The following KCTD8 variants were observed in gnomAD, a reference collection of about 807,000 sequenced individuals.
The protein encoded by KCTD8 is BTB/POZ domain-containing protein KCTD8.
A neutral mutation model predicts 31.5 loss-of-function variants in KCTD8; 27 were observed. The observed-to-expected ratio is 0.86, with a 90% CI of 0.63 to 1.18. The LOEUF (loss-of-function observed/expected upper bound fraction) is 1.18. KCTD8 is among the 50% of genes most tolerant of loss of function. The pLI is 0.00. For missense variants in KCTD8, 658 were observed against 647.7 expected, an observed-to-expected ratio of 1.02 and a Z score of -0.17; for synonymous variants, 290 against 280.0, an observed-to-expected ratio of 1.04 and a Z score of -0.36.
At chr4:44,298,834 T>TA (rs1456114390) in intron 1 of KCTD8, among the ~76,000 whole-genome samples, 16 of 152,096 alleles carry the variant, frequency 1.1e-4, no homozygotes. Context: ...AAGTTAGATA[T>TA]AAAATATTGA....
chr4:44,414,952 G>A (rs967330091), intron 1 of KCTD8, among the ~76,000 whole-genome samples: 66 of 152,272 alleles, frequency 4.3e-4, no homozygotes, highest in African/African-American at 1.6e-3. Flanking sequence ...CTCAGAAGGA[G>A]ACAGGAAGCC....
chr4:44,195,166 C>T lies in KCTD8; in HGVS notation c.962-19916G>A, dbSNP rs979563471. Among the ~76,000 whole-genome samples the T allele has an allele frequency of 4.6e-5, 7 of 151,008 alleles. No homozygotes were observed. The South Asian group carries it at 8.5e-4, about 18-fold the overall frequency. ...GTGCTGGGATTACAGGTATGAGCCACTGTGCCTACCTAAATACATACTTTT... is the reference window on the plus strand; with the variant it reads ...GTGCTGGGATTACAGGTATGAGCCATTGTGCCTACCTAAATACATACTTTT... On this transcript the variant is annotated intron_variant, in intron 1 of 1. Coordinates refer to ENST00000360029, the MANE Select transcript of KCTD8 (RefSeq NM_198353.3).
At chr4:44,217,798 C>G (rs537989150) in intron 1 of KCTD8, among the ~76,000 whole-genome samples, 23 of 142,954 alleles carry the variant, frequency 1.6e-4, no homozygotes, top group African/African-American at 5.8e-4. Context: ...CTTTTAGACT[C>G]CTGGACTTAT....
At chr4:44,442,178 T>A (rs1236362907) in intron 1 of KCTD8, among the ~76,000 whole-genome samples, 1 of 152,222 alleles carries the variant, frequency 6.6e-6, no homozygotes, top group Non-Finnish European at 1.5e-5. Flanking sequence ...ACTGCACTTT[T>A]TTTTTTAACA....
chr4:44,217,937 G>C (rs1714696146), intron 1 of KCTD8, among the ~76,000 whole-genome samples: 1 of 151,950 alleles, frequency 6.6e-6, no homozygotes, highest in Non-Finnish European at 1.5e-5. Context: ...TCAGCTTTCA[G>C]ATGGCTTACC....
chr4:44,419,335 T>C (rs1721154798), intron 1 of KCTD8, among the ~76,000 whole-genome samples: 1 of 152,166 alleles, frequency 6.6e-6, no homozygotes, highest in African/African-American at 2.4e-5. Context: ...TAGCCATTAG[T>C]TACTCACTGA....
intron 1 of KCTD8, among the ~76,000 whole-genome samples, chr4:44,357,918 C>T (rs1719386501): frequency 6.6e-6 from 1 of 151,432 alleles, no homozygotes; most frequent in Non-Finnish European, 1.5e-5. Context: ...TATTATTATA[C>T]TTTAAGTTCT....
chr4:44,188,185 G>T (rs1360104068), intron 1 of KCTD8, among the ~76,000 whole-genome samples: 1 of 152,122 alleles, frequency 6.6e-6, no homozygotes. Flanking sequence ...ACTTCTTGTA[G>T]CTGCCATACT....
intron 1 of KCTD8, among the ~76,000 whole-genome samples, chr4:44,258,183 A>G (rs1297229392): frequency 1.3e-5 from 2 of 151,870 alleles, no homozygotes. Flanking sequence ...TATTTCTCCA[A>G]CTCATTTTGA....
intron 1 of KCTD8, among the ~76,000 whole-genome samples, chr4:44,404,906 C>T (rs1343576636): frequency 6.6e-6 from 1 of 152,102 alleles, no homozygotes; most frequent in East Asian, 1.9e-4. Flanking sequence ...TCTCTTGTTT[C>T]ATATAATAAT....
At position 44,174,782 on chromosome 4, in the gene KCTD8, G is replaced by T; in HGVS notation, c.*8C>A. On this transcript the variant is annotated 3_prime_UTR_variant, in exon 2 of 2. Coordinates refer to ENST00000360029, the MANE Select transcript of KCTD8 (RefSeq NM_198353.3). Reference sequence around the variant, plus strand: ...TGTCATCAAAATACTGCAGGAATGTGACAATTACTATAACCCATACTTCTG... The same window carrying T: ...TGTCATCAAAATACTGCAGGAATGTTACAATTACTATAACCCATACTTCTG... 1 of 1,575,622 alleles carries T rather than the reference G, an allele frequency of 6.3e-7. No individual in the cohort carries two copies. Among genetic ancestry groups the T allele is most frequent in the East Asian group, 2.2e-5 (1 of 44,636 alleles).
intron 1 of KCTD8, among the ~76,000 whole-genome samples, chr4:44,301,021 C>T (rs1465699592): frequency 4.6e-5 from 7 of 151,760 alleles, no homozygotes; most frequent in Admixed American, 3.9e-4. Flanking sequence ...CCAATTTCAT[C>T]CATGTCCCTA....
intron 1 of KCTD8, among the ~76,000 whole-genome samples, chr4:44,268,374 G>A (rs1360754600): frequency 6.6e-6 from 1 of 152,082 alleles, no homozygotes; most frequent in African/African-American, 2.4e-5. Flanking sequence ...CAAGAAATTA[G>A]GTATTGATGG....
At chr4:44,424,222 A>G (rs1721290648) in intron 1 of KCTD8, among the ~76,000 whole-genome samples, 2 of 151,992 alleles carry the variant, frequency 1.3e-5, no homozygotes, top group Non-Finnish European at 2.9e-5. Context: ...TAAGAAGACA[A>G]TCCTGGGTCT....
At chr4:44,334,316 T>C (rs551383905) in intron 1 of KCTD8, among the ~76,000 whole-genome samples, 1 of 152,118 alleles carries the variant, frequency 6.6e-6, no homozygotes, top group South Asian at 2.1e-4. Context: ...AGAAACCTTC[T>C]ATAAATTTCA....
At chr4:44,405,817 CAAA>C (rs903559298) in intron 1 of KCTD8, among the ~76,000 whole-genome samples, 14 of 32,226 alleles carry the variant, frequency 4.3e-4, no homozygotes, top group African/African-American at 1.7e-3. Flanking sequence ...TCCTGTTTCT[CAAA>C]AAAAAAAAAA....
chr4:44,361,599 G>A (rs1021839920), intron 1 of KCTD8, among the ~76,000 whole-genome samples: 2 of 152,018 alleles, frequency 1.3e-5, no homozygotes, highest in Admixed American at 6.6e-5. Flanking sequence ...AATATTCAAG[G>A]TGATATGTAA....
At chr4:44,271,377 A>G (rs1716593433) in intron 1 of KCTD8, among the ~76,000 whole-genome samples, 1 of 152,130 alleles carries the variant, frequency 6.6e-6, no homozygotes, top group Non-Finnish European at 1.5e-5. Flanking sequence ...TCATTATGAG[A>G]GACAGAATAG....
chr4:44,355,500 T>C (rs1719319957), intron 1 of KCTD8, among the ~76,000 whole-genome samples: 1 of 152,194 alleles, frequency 6.6e-6, no homozygotes, highest in Non-Finnish European at 1.5e-5. Flanking sequence ...CTAAATTAAC[T>C]AATCAACCAA....
Sources: allele counts gnomAD v4.1 joint callset (sites outside exome capture counted in the v4.1 genomes callset), GRCh38; gene constraint gnomAD v4.1.1; transcripts MANE v1.5; gene names NCBI Gene and HGNC (gene_info 2026-07-23, HGNC 2026-07-21).